The following ASCL3 variants were observed in gnomAD, a reference collection of about 807,000 sequenced individuals.
ASCL3 encodes the protein achaete-scute family bHLH transcription factor 3, also known as achaete-scute homolog 3.
A neutral mutation model predicts 2.3 loss-of-function variants in ASCL3; 1 was observed. The observed-to-expected ratio is 0.44, with a 90% confidence interval of 0.16 to 2.10. The LOEUF is 2.10. Among genes scored for constraint, ASCL3 ranks in the 30% most tolerant of loss-of-function variants. The pLI is 0.28. For missense variants in ASCL3, 243 were observed against 229.0 expected, an observed-to-expected ratio of 1.06 and a Z score of -0.40; for synonymous variants, 98 against 88.5, an observed-to-expected ratio of 1.11 and a Z score of -0.60.
At position 8,938,085 on chromosome 11, in the gene ASCL3, G is replaced by A. The variant is rs2064689196; in HGVS notation, c.77C>T (p.Thr26Ile). ...IFPDSARLPL[T>I]RSFYLEPMVT... ...CATGGGCTCCAGATAGAAGGACCTG[G>A]TCAGTGGCAAGCGGGCAGAATCAGG... Residue 26 changes from threonine to isoleucine, a missense_variant, in exon 2 of 2, where the codon ACC becomes ATC. Transcript: ENST00000531618. The A allele has an allele frequency of 1.2e-6, 2 of 1,613,970 alleles. No individual in the cohort carries two copies. Among genetic ancestry groups the A allele is most frequent in the South Asian group, 1.1e-5 (1 of 91,066 alleles).
chr11:8,940,712 C>A (rs1853682263), intron 1 of ASCL3, among the ~76,000 whole-genome samples: 1 of 152,062 alleles, frequency 6.6e-6, no homozygotes, highest in South Asian at 2.1e-4. Context: ...TGTATTCAAC[C>A]AACTATGGGT....
intron 1 of ASCL3, among the ~76,000 whole-genome samples, chr11:8,941,672 C>T (rs1264113619): frequency 2.0e-5 from 3 of 152,038 alleles, no homozygotes; most frequent in Admixed American, 1.3e-4. Context: ...AGTGGGATAG[C>T]TCCAATTAAA....
In ASCL3 at chr11:8,940,959, G is replaced by A. The variant is rs116157664; in HGVS notation, c.-13+2027C>T. On this transcript the variant is annotated intron_variant, in intron 1 of 1. Coordinates refer to ENST00000531618, the MANE Select transcript of ASCL3 (RefSeq NM_020646.3). ...AGGGAGTTGGACCTCTGTGGATTTT[G>A]TTATCCGAAGGGGAGTCCTAAACCC... is the stretch of plus-strand genomic sequence containing the variant. 6.9e-3 allele frequency among the ~76,000 whole-genome samples: 1,058 copies of A among 152,246 alleles called. 14 individuals are homozygous for A. The highest frequency in any genetic ancestry group is 0.024 in the African/African-American group (1,009 of 41,548).
At position 8,937,683 on chromosome 11, in the gene ASCL3, G is replaced by C; in HGVS notation, c.479C>G (p.Pro160Arg). The C allele has an allele frequency of 6.2e-7, 1 of 1,614,128 alleles. No homozygotes were observed. The highest frequency in any genetic ancestry group is 1.1e-5 in the South Asian group (1 of 91,078). ...TGCTATCATGGAGGAAACTTTTCCAGGGTTATTCTTGGTCTCAGCTTTATC... is the reference window on the plus strand; with the variant it reads ...TGCTATCATGGAGGAAACTTTTCCACGGTTATTCTTGGTCTCAGCTTTATC... ...YPDKAETKNN[P>R]GKVSSMIATT... Residue 160 changes from proline to arginine, a missense_variant, in exon 2 of 2, where the codon CCT (proline) becomes CGT (arginine). Physicochemically the swap from Pro to Arg is moderately radical, Grantham distance 103 (BLOSUM62 -2). Transcript: ENST00000531618.
intron 1 of ASCL3, among the ~76,000 whole-genome samples, chr11:8,942,248 C>T (rs957160757): frequency 5.3e-5 from 8 of 152,022 alleles, no homozygotes; most frequent in Non-Finnish European, 7.4e-5. Context: ...ATAAGTTCAC[C>T]AATCAATGTA....
chr11:8,938,314 A>C, intron 1 of ASCL3, 141 bp from the exon 2 acceptor site: 1 of 687,182 alleles, frequency 1.5e-6, no homozygotes, highest in South Asian at 2.2e-5. Flanking sequence ...CAGTGGCGTG[A>C]TCTCGGCTCA....
intron 1 of ASCL3, among the ~76,000 whole-genome samples, chr11:8,939,849 C>T (rs2064697700): frequency 6.6e-6 from 1 of 152,026 alleles, no homozygotes; most frequent in Non-Finnish European, 1.5e-5. Context: ...CACTATGGGA[C>T]TCCTTTAGGT....
rs763595782 is a variant in ASCL3 at position 8,937,609 on chromosome 11, C to T, written c.*7G>A. Reference sequence around the variant, plus strand: ...GATATTATTCATTTCTATTTGGAAACAGCAACTCAAACAATTCTGAACATA... The same window carrying T: ...GATATTATTCATTTCTATTTGGAAATAGCAACTCAAACAATTCTGAACATA... On this transcript the variant is annotated 3_prime_UTR_variant, in exon 2 of 2. Transcript: ENST00000531618. 1 of 1,597,912 alleles carries T rather than the reference C, an allele frequency of 6.3e-7. No individual in the cohort carries two copies. The highest frequency in any genetic ancestry group is 2.2e-5 in the East Asian group (1 of 44,608).
intron 1 of ASCL3, among the ~76,000 whole-genome samples, chr11:8,941,112 T>C (rs1853687832): frequency 6.6e-6 from 1 of 152,098 alleles, no homozygotes; most frequent in East Asian, 1.9e-4. Flanking sequence ...GAAAACCTGG[T>C]TTATGTTTTC....
At chr11:8,939,716 G>A (rs2064697267) in intron 1 of ASCL3, among the ~76,000 whole-genome samples, 1 of 152,118 alleles carries the variant, frequency 6.6e-6, no homozygotes, top group African/African-American at 2.4e-5. Context: ...ATATGCAAGG[G>A]AAATTATGAA....
At position 8,938,067 on chromosome 11, in the gene ASCL3, T is replaced by G; in HGVS notation, c.95A>C (p.Glu32Ala). Residue 32 changes from glutamate (E) to alanine (A), a missense_variant, in exon 2 of 2, where the codon GAG becomes GCG. By Grantham distance (107) the Glu-to-Ala change is moderately radical (BLOSUM62 -1). Transcript: ENST00000531618. The stretch of plus-strand genomic sequence containing the variant: ...GTGCACGTGGAAAGTGACCATGGGC[T>G]CCAGATAGAAGGACCTGGTCAGTGG... Reference protein sequence around the residue: ...RLPLTRSFYLEPMVTFHVHPE... With the variant: ...RLPLTRSFYLAPMVTFHVHPE... The G allele has an allele frequency of 6.2e-7, 1 of 1,613,994 alleles. No individual in the cohort carries two copies.
At chr11:8,940,043 T>C (rs1179553253) in intron 1 of ASCL3, among the ~76,000 whole-genome samples, 1 of 152,134 alleles carries the variant, frequency 6.6e-6, no homozygotes, top group Non-Finnish European at 1.5e-5. Flanking sequence ...AGTAATGTGA[T>C]CATGGCTTAC....
chr11:8,938,325 C>T lies in ASCL3; in HGVS notation c.-12-152G>A, dbSNP rs1197104700. ...AGTGCAGTGGCGTGATCTCGGCTCA[C>T]TGCAACTTCTGCCTCCTGGGTTCAA... On this transcript the variant is annotated intron_variant, in intron 1 of 1. Coordinates refer to ENST00000531618, the MANE Select transcript of ASCL3 (RefSeq NM_020646.3). The T allele has an allele frequency of 1.3e-5, 8 of 603,058 alleles. No individual in the cohort carries two copies. In the Admixed American group the frequency reaches 2.7e-4, roughly 20 times the overall value. The allele number at this position is 603,058 out of a possible 1,614,324, so 37.4% of individuals were successfully genotyped here. A position where few individuals can be genotyped will look rare whatever the true frequency, so the allele number is the denominator to read the frequency against.
intron 1 of ASCL3, among the ~76,000 whole-genome samples, chr11:8,939,345 T>A (rs1260247158): frequency 6.6e-6 from 1 of 151,966 alleles, no homozygotes; most frequent in Non-Finnish European, 1.5e-5. Context: ...GTTCAAGTGA[T>A]TCTCCTGCCT....
rs1353709717 is a variant in ASCL3 at position 8,939,039 on chromosome 11, A to G, written c.-12-866T>C. Among the ~76,000 whole-genome samples the G allele has an allele frequency of 2.0e-5, 3 of 151,632 alleles. No individual in the cohort carries two copies. In the East Asian group the frequency reaches 5.9e-4, roughly 30 times the overall value. On this transcript the variant is annotated intron_variant, in intron 1 of 1. Coordinates refer to ENST00000531618, the MANE Select transcript of ASCL3 (RefSeq NM_020646.3). ...AGGCTGGTCTCAAATTCCTGAGCTC[A>G]AGCAACCCGCCTGCCTCAGCCTCTC...
chr11:8,938,059 C>G lies in ASCL3; in HGVS notation c.103G>C (p.Val35Leu). ...LTRSFYLEPM[V>L]TFHVHPEAPV... is the part of the protein sequence containing the mutation. ...GCCTCTGGGTGCACGTGGAAAGTGA[C>G]CATGGGCTCCAGATAGAAGGACCTG... is the stretch of plus-strand genomic sequence containing the variant. The change falls in exon 2 of 2, where the codon GTC becomes CTC. Residue 35 changes from valine to leucine, a missense_variant. Val to Leu is a conservative substitution (Grantham distance 32). Coordinates refer to ENST00000531618, the MANE Select transcript of ASCL3 (RefSeq NM_020646.3). 6.2e-7 allele frequency: 1 copy of G among 1,613,956 alleles called. No homozygotes were observed. Among genetic ancestry groups the G allele is most frequent in the Non-Finnish European group, 8.5e-7 (1 of 1,179,980 alleles).
At position 8,938,215 on chromosome 11, in the gene ASCL3, G is replaced by A. The variant is rs2064690008; in HGVS notation, c.-12-42C>T. On this transcript the variant is annotated intron_variant, in intron 1 of 1. Coordinates refer to ENST00000531618, the MANE Select transcript of ASCL3 (RefSeq NM_020646.3). ...GTTTAACAATGTGGTCAGATAGAGAGCAGATATGATCTACTTTCTTGGAGA... is the reference window on the plus strand; with the variant it reads ...GTTTAACAATGTGGTCAGATAGAGAACAGATATGATCTACTTTCTTGGAGA... 6 of 1,433,914 alleles carry A rather than the reference G, an allele frequency of 4.2e-6. No individual in the cohort carries two copies. In the South Asian group the frequency reaches 6.7e-5, roughly 16 times the overall value. The allele number at this position is 1,433,914 out of a possible 1,614,324, so 88.8% of individuals were successfully genotyped here. A position where few individuals can be genotyped will look rare whatever the true frequency, so the allele number is the denominator to read the frequency against.
At position 8,937,710 on chromosome 11, in the gene ASCL3, G is replaced by A; in HGVS notation, c.452C>T (p.Pro151Leu). The change falls in exon 2 of 2, where the codon CCT (proline) becomes CTT (leucine). Residue 151 changes from proline (P) to leucine (L), a missense_variant. Physicochemically the swap from Pro to Leu is moderately conservative, Grantham distance 98. Transcript: ENST00000531618. ...YINYLQSLLY[P>L]DKAETKNNPG... is the part of the protein sequence containing the mutation. ...GTTATTCTTGGTCTCAGCTTTATCA[G>A]GGTACAGAAGAGACTGCAGGTAGTT... is the stretch of plus-strand genomic sequence containing the variant. The A allele has an allele frequency of 6.2e-7, 1 of 1,614,104 alleles. No individual in the cohort carries two copies. The highest frequency in any genetic ancestry group is 1.1e-5 in the South Asian group (1 of 91,078).
chr11:8,939,757 T>C (rs1013170756), intron 1 of ASCL3, among the ~76,000 whole-genome samples: 3 of 152,136 alleles, frequency 2.0e-5, no homozygotes, highest in African/African-American at 7.2e-5. Flanking sequence ...CTCAGAGGCA[T>C]AGCCTTCTTA....
Sources: allele counts gnomAD v4.1 joint callset (sites outside exome capture counted in the v4.1 genomes callset), GRCh38; gene constraint gnomAD v4.1.1; transcripts MANE v1.5; gene names NCBI Gene and HGNC (gene_info 2026-07-23, HGNC 2026-07-21).